Variants in PRRC2B observed in about 807,000 individuals in gnomAD.
PRRC2B encodes protein PRRC2B.
In PRRC2B, 68 loss-of-function variants were observed where a neutral mutation model predicts 242.3. That is an observed-to-expected ratio of 0.28 (90% CI 0.23 to 0.34). PRRC2B has a LOEUF of 0.34. PRRC2B is among the 10% of genes least tolerant of loss of function. The pLI, the probability that PRRC2B is intolerant of heterozygous loss-of-function variation, is 1.00. For missense variants in PRRC2B, 2,835 were observed against 2,954.8 expected, an observed-to-expected ratio of 0.96 and a Z score of 0.94; for synonymous variants, 1,228 against 1,173.6, an observed-to-expected ratio of 1.05 and a Z score of -0.95.
At chr9:131,391,416 C>A (rs767306466), upstream of PRRC2B, among the ~76,000 whole-genome samples, 7 of 152,064 alleles carry the variant, frequency 4.6e-5, no homozygotes, top group Non-Finnish European at 1.0e-4. Flanking sequence ...TTGTGAGGAC[C>A]CTTGTGATTC....
At chr9:131,457,092 C>T (rs540024061) in intron 10 of PRRC2B, among the ~76,000 whole-genome samples, 5 of 152,218 alleles carry the variant, frequency 3.3e-5, no homozygotes, top group Admixed American at 3.3e-4. Flanking sequence ...TAAAAGCTTC[C>T]TAAAGTAAGT....
upstream of PRRC2B, among the ~76,000 whole-genome samples, chr9:131,391,645 C>A (rs531978818): frequency 3.9e-5 from 6 of 152,264 alleles, no homozygotes; most frequent in African/African-American, 1.4e-4. Flanking sequence ...ATGGGTATGT[C>A]GTGAGGATTA....
chr9:131,438,988 G>C lies in PRRC2B; in HGVS notation c.397-1G>C. ...TCTTCTGATTCTCTTCCTTCTTTCA[G>C]AATACAAATTCAGTGCCAGGTGGAC... On this transcript the variant is annotated splice_acceptor_variant, in intron 4 of 31. Coordinates refer to ENST00000683519, the MANE Select transcript of PRRC2B (RefSeq NM_013318.4). LOFTEE classifies it high-confidence loss of function. The C allele has an allele frequency of 6.2e-7, 1 of 1,611,644 alleles. No homozygotes were observed. Among genetic ancestry groups the C allele is most frequent in the Non-Finnish European group, 8.5e-7 (1 of 1,178,534 alleles).
chr9:131,425,690 C>T (rs761895928), intron 1 of PRRC2B, among the ~76,000 whole-genome samples: 18 of 150,808 alleles, frequency 1.2e-4, no homozygotes, highest in Non-Finnish European at 1.9e-4. Flanking sequence ...GGGGTTTCAC[C>T]GTGTTAGCCA....
intron 1 of PRRC2B, among the ~76,000 whole-genome samples, chr9:131,416,621 C>CTT (rs11374835): frequency 1.6e-4 from 24 of 149,686 alleles, no homozygotes; most frequent in South Asian, 4.2e-4. Flanking sequence ...TACCCAGTGT[C>CTT]TTTTTTTTTT....
intron 4 of PRRC2B, 95 bp from the exon 5 acceptor site, chr9:131,438,894 A>G: frequency 1.1e-6 from 1 of 925,038 alleles, no homozygotes; most frequent in South Asian, 1.4e-5. Context: ...GTTTGAATCT[A>G]AGGTGCTGGC....
At chr9:131,418,592 C>G (rs1245387481) in intron 1 of PRRC2B, among the ~76,000 whole-genome samples, 1 of 152,142 alleles carries the variant, frequency 6.6e-6, no homozygotes, top group African/African-American at 2.4e-5. Flanking sequence ...CTTTTGTGCC[C>G]AGATTCCAGC....
At chr9:131,413,898 C>CT (rs1837571309) in intron 1 of PRRC2B, among the ~76,000 whole-genome samples, 1 of 152,094 alleles carries the variant, frequency 6.6e-6, no homozygotes. Context: ...TCTTGATCTC[C>CT]TGACCTCATG....
chr9:131,480,917 T>G (rs188912993), intron 19 of PRRC2B, among the ~76,000 whole-genome samples: 90 of 151,848 alleles, frequency 5.9e-4, no homozygotes, highest in Non-Finnish European at 1.0e-3. Context: ...ACACCTATAA[T>G]CCCAGCAGTT....
At chr9:131,486,212 G>C in intron 26 of PRRC2B, 30 bp downstream of exon 26, 2 of 1,450,948 alleles carry the variant, frequency 1.4e-6, no homozygotes, top group Non-Finnish European at 1.9e-6. Flanking sequence ...TGGCCTGGCT[G>C]GGGGTGGTGG....
At position 131,487,579 on chromosome 9, in the gene PRRC2B, C is replaced by T. The variant is rs1462245560; in HGVS notation, c.5985-277C>T. Among the ~76,000 whole-genome samples, 1 of 152,212 alleles carries T rather than the reference C, an allele frequency of 6.6e-6. No homozygotes were observed. Among genetic ancestry groups the T allele is most frequent in the African/African-American group, 2.4e-5 (1 of 41,448 alleles). On this transcript the variant is annotated intron_variant, in intron 27 of 31. Transcript: ENST00000683519. The surrounding 1 kb of genome is among the most constrained non-coding windows in gnomAD (Gnocchi z 5.3). ...CTCTCCCCTTGACTCCCTGTCTCCT[C>T]CCCACCGCGGGCTTCTCCGTCAGTG... is the stretch of plus-strand genomic sequence containing the variant.
chr9:131,384,264 T>TTGTA (rs72496921), intron 1 of PRRC2B, among the ~76,000 whole-genome samples: 3,467 of 149,232 alleles, frequency 0.023, 143 homozygotes, highest in African/African-American at 0.075. Flanking sequence ...TGGCTAATTT[T>TTGTA]TGTATGTATG....
intron 1 of PRRC2B, among the ~76,000 whole-genome samples, chr9:131,425,167 G>T (rs1470324690): frequency 6.6e-6 from 1 of 152,066 alleles, no homozygotes; most frequent in Admixed American, 6.5e-5. Context: ...TGTATTTTTA[G>T]TATAGACGGG....
intron 1 of PRRC2B, among the ~76,000 whole-genome samples, chr9:131,399,212 G>A (rs529547440): frequency 6.7e-6 from 1 of 148,892 alleles, no homozygotes; most frequent in Non-Finnish European, 1.5e-5. Flanking sequence ...GGGAGGTGGA[G>A]GTTGCAGTGA....
intron 1 of PRRC2B, among the ~76,000 whole-genome samples, chr9:131,407,834 C>A (rs534467900): frequency 6.6e-6 from 1 of 152,314 alleles, no homozygotes; most frequent in Admixed American, 6.5e-5. Context: ...GTTCTCACTT[C>A]ACCTCTGAGC....
Position 131,474,975 on chromosome 9 carries a change from C to T in PRRC2B, c.2846C>T (p.Ala949Val). 2 of 1,598,180 alleles carry T rather than the reference C, an allele frequency of 1.3e-6. No homozygotes were observed. The highest frequency in any genetic ancestry group is 1.7e-6 in the Non-Finnish European group (2 of 1,172,622). ...SGPIKKPVLK[A>V]LKVEDKEKEL... Reference sequence around the variant, plus strand: ...CCCATCAAGAAACCAGTCCTGAAAGCCCTCAAGGTGGAAGACAAGGAGAAG... The same window carrying T: ...CCCATCAAGAAACCAGTCCTGAAAGTCCTCAAGGTGGAAGACAAGGAGAAG... The change falls in exon 16 of 32, where the codon GCC becomes GTC. Residue 949 changes from alanine to valine, a missense_variant. By Grantham distance (64) the Ala-to-Val change is moderately conservative. Coordinates refer to ENST00000683519, the MANE Select transcript of PRRC2B (RefSeq NM_013318.4).
chr9:131,459,792 G>A (rs1162632422), intron 11 of PRRC2B, among the ~76,000 whole-genome samples: 4 of 151,982 alleles, frequency 2.6e-5, no homozygotes, highest in African/African-American at 9.7e-5. Flanking sequence ...TCCTACCTCA[G>A]CCTCCCAAAG....
intron 1 of PRRC2B, among the ~76,000 whole-genome samples, chr9:131,395,339 G>C (rs55928195): frequency 0.013 from 2,030 of 152,016 alleles, 23 homozygotes; most frequent in African/African-American, 0.015. Flanking sequence ...TTTGGTTTTT[G>C]TAACCAATTG....
chr9:131,433,271 T>G (rs952071652), intron 3 of PRRC2B, among the ~76,000 whole-genome samples: 2 of 152,212 alleles, frequency 1.3e-5, no homozygotes, highest in African/African-American at 4.8e-5. Flanking sequence ...CAGAGGAGAC[T>G]TCTGCTGTTG....
Sources: gnomAD v4.1 joint callset for allele counts (sites outside exome capture counted in the v4.1 genomes callset) on GRCh38, gnomAD v4.1.1 for gene constraint, Gnocchi (gnomAD v3.1) non-coding constraint, MANE v1.5 for transcripts, NCBI Gene and HGNC (gene_info 2026-07-23, HGNC 2026-07-21) for gene names.